ZFY: variants seen among roughly 807,000 people sequenced by gnomAD.
ZFY encodes zinc finger Y-chromosomal protein.
For missense variants in ZFY, 113 were observed against 170.9 expected (o/e 0.66, Z 1.89); for synonymous variants, 47 against 55.8 (o/e 0.84, Z 0.71).
intron 2 of ZFY, among the ~76,000 whole-genome samples, chrY:2,955,068 C>A (rs754346937): frequency 3.0e-5 from 1 of 33,185 alleles, no homozygotes; most frequent in South Asian, 6.7e-4. Flanking sequence ...CCAGGGTAAT[C>A]CAAGATAATT....
chrY:2,978,375 G>A (rs2051385482), intron 7 of ZFY, among the ~76,000 whole-genome samples: 1 of 32,926 alleles, frequency 3.0e-5, no homozygotes, highest in East Asian at 7.8e-4. Flanking sequence ...AGTGGAAGAA[G>A]TACCTAGGTT....
chrY:2,956,205 A>G (rs2051292686), intron 2 of ZFY, among the ~76,000 whole-genome samples: 1 of 32,356 alleles, frequency 3.1e-5, no homozygotes, highest in Non-Finnish European at 7.5e-5. Flanking sequence ...CTCTCTCTAA[A>G]TCAGCGTTCC....
At chrY:2,952,722 CA>C (rs2051282666) in intron 1 of ZFY, among the ~76,000 whole-genome samples, 1 of 33,491 alleles carries the variant, frequency 3.0e-5, no homozygotes, top group South Asian at 6.7e-4. Context: ...GGGAGCTGGA[CA>C]TAGTGGCATG....
At chrY:2,938,118 G>T (rs2051222456) in intron 1 of ZFY, among the ~76,000 whole-genome samples, 2 of 22,063 alleles carry the variant, frequency 9.1e-5, no homozygotes, top group Admixed American at 4.6e-4. Context: ...CTTCCAAGTA[G>T]CTGGGACTAC....
chrY:2,939,520 C>T (rs2051234763), intron 1 of ZFY, among the ~76,000 whole-genome samples: 1 of 33,486 alleles, frequency 3.0e-5, no homozygotes, highest in Non-Finnish European at 7.4e-5. Flanking sequence ...TTTGTCTGCT[C>T]TGGTCGTTTT....
At chrY:2,948,170 A>G (rs539466285) in intron 1 of ZFY, among the ~76,000 whole-genome samples, 8 of 34,119 alleles carry the variant, frequency 2.3e-4, no homozygotes, top group African/African-American at 9.1e-4. Flanking sequence ...TATGATACGG[A>G]GTACTGAGAC....
chrY:2,951,245 A>C (rs2051277338), intron 1 of ZFY, among the ~76,000 whole-genome samples: 3 of 33,246 alleles, frequency 9.0e-5, no homozygotes, highest in Non-Finnish European at 1.5e-4. Flanking sequence ...GAGGTCACTG[A>C]ATATTGGAGA....
rs1423909129 is a variant in ZFY, at chrY:2,976,736, C to A, written c.995C>A (p.Ala332Glu). 1 of 385,075 alleles carries A rather than the reference C, an allele frequency of 2.6e-6. No homozygotes were observed. The highest frequency in any genetic ancestry group is 3.7e-6 in the Non-Finnish European group (1 of 272,849). Residue 332 changes from alanine (A) to glutamate (E), a missense_variant, in exon 6 of 8, where the codon GCA (alanine) becomes GAA (glutamate). Ala to Glu is a moderately radical substitution (Grantham distance 107). Coordinates refer to ENST00000155093, the MANE Select transcript of ZFY (RefSeq NM_003411.4). ...GTAGGAGAGGAGGATGCTGCTGTTG[C>A]AGCAGCAGCAGCTGCTGTGCATGAG... ...VIVGEEDAAV[A>E]AAAAAVHEQQ...
At chrY:2,965,865 C>T in intron 3 of ZFY, among the ~76,000 whole-genome samples, 1 of 33,943 alleles carries the variant, frequency 2.9e-5, no homozygotes, top group Non-Finnish European at 7.3e-5. Context: ...TGGTTCTACA[C>T]ATCTCTGTCA....
chrY:2,965,019 C>G, intron 3 of ZFY, among the ~76,000 whole-genome samples: 1 of 32,844 alleles, frequency 3.0e-5, no homozygotes, highest in African/African-American at 1.2e-4. Flanking sequence ...AACACTCTGA[C>G]TCAAAAATTT....
intron 6 of ZFY, 108 bp downstream of exon 6, chrY:2,976,930 A>G: frequency 1.1e-5 from 2 of 179,649 alleles, no homozygotes; most frequent in South Asian, 5.4e-5. Flanking sequence ...TAATCCCAGC[A>G]CTTTGGGAGG....
chrY:2,939,002 TA>T (rs2051229169), intron 1 of ZFY, among the ~76,000 whole-genome samples: 3 of 19,009 alleles, frequency 1.6e-4, no homozygotes, highest in Non-Finnish European at 3.7e-4. Context: ...TATATATATA[TA>T]TATATATATA....
chrY:2,938,983 TTATATATA>T (rs765202788), intron 1 of ZFY, among the ~76,000 whole-genome samples: 522 of 5,188 alleles, frequency 0.1, no homozygotes, highest in Middle Eastern at 0.27. Context: ...CATACAGTGC[TTATATATA>T]TATATATATA....
rs2051398165 is a variant in ZFY at position 2,981,010 on chromosome Y, G to T, written c.*1017G>T. ...CAAATAATCTTTGATAGATAAAAAT[G>T]GAAGGTAAGATGTTTCTAGATAGAA... is the stretch of plus-strand genomic sequence containing the variant. On this transcript the variant is annotated 3_prime_UTR_variant, in exon 8 of 8. Transcript: ENST00000155093. The T allele has an allele frequency of 3.0e-5, 1 of 33,401 alleles. No individual in the cohort carries two copies. The highest frequency in any genetic ancestry group is 6.5e-4 in the South Asian group (1 of 1,544). 8.3% of individuals were successfully genotyped at this position (33,401 alleles called of 400,897 possible).
At chrY:2,977,780 CAAAAAAAAAAAAAAA>C (rs1268151770) in intron 6 of ZFY, 145 bp from the exon 7 acceptor site, 2 of 11,935 alleles carry the variant, frequency 1.7e-4, no homozygotes, top group African/African-American at 2.9e-3. Context: ...GACTCTGTCT[CAAAAAAAAAAAAAAA>C]AAAAAAAAAA....
chrY:2,951,108 T>G, intron 1 of ZFY, among the ~76,000 whole-genome samples: 1 of 33,458 alleles, frequency 3.0e-5, no homozygotes, highest in Admixed American at 2.7e-4. Flanking sequence ...TCCTAGAAAA[T>G]TCTAGGATGT....
In ZFY at chrY:2,979,775, C is replaced by T. The variant is rs746933897; in HGVS notation, c.2188C>T (p.Leu730Phe). The T allele has an allele frequency of 1.2e-4, 46 of 397,453 alleles. No individual in the cohort carries two copies. In the South Asian group the frequency reaches 1.3e-3, roughly 12 times the overall value. Residue 730 changes from leucine to phenylalanine, a missense_variant, in exon 8 of 8, where the codon CTT becomes TTT. By Grantham distance (22) the Leu-to-Phe change is conservative. Transcript: ENST00000155093. ...AAAGGGATTTAGGCAACAAAATGAG[C>T]TTAAAAAGCATATGAAGACACACAG... ...CRKGFRQQNE[L>F]KKHMKTHSGR...
At chrY:2,950,730 C>A in intron 1 of ZFY, among the ~76,000 whole-genome samples, 1 of 33,580 alleles carries the variant, frequency 3.0e-5, no homozygotes, top group South Asian at 6.5e-4. Flanking sequence ...GTGGTCAGCC[C>A]TTATCATAGG....
chrY:2,942,026 A>C, intron 1 of ZFY, among the ~76,000 whole-genome samples: 4 of 30,270 alleles, frequency 1.3e-4, no homozygotes, highest in African/African-American at 5.3e-4. Context: ...CCATGTTGGC[A>C]AGGCTAGTCT....
Sources: allele counts gnomAD v4.1 joint callset (sites outside exome capture counted in the v4.1 genomes callset), GRCh38; gene constraint gnomAD v4.1.1; transcripts MANE v1.5; gene names NCBI Gene and HGNC (gene_info 2026-07-23, HGNC 2026-07-21).